The following HS6ST3 variants were observed in gnomAD, a reference collection of about 807,000 sequenced individuals.
The protein encoded by HS6ST3 is heparan-sulfate 6-O-sulfotransferase 3.
Under a neutral mutation model 36.7 loss-of-function variants are expected in HS6ST3, and 12 were observed. The ratio of observed to expected loss-of-function variants is 0.33; its 90% CI spans 0.21 to 0.53. The LOEUF (loss-of-function observed/expected upper bound fraction) is 0.53, where lower values mean the gene tolerates loss of function less well. Among genes scored for constraint, HS6ST3 ranks in the 20% least tolerant of loss-of-function variants. HS6ST3 has a pLI of 0.95. For missense variants in HS6ST3, 584 were observed against 640.9 expected (o/e 0.91, Z 0.96); for synonymous variants, 240 against 257.5 (o/e 0.93, Z 0.65).
intron 1 of HS6ST3, among the ~76,000 whole-genome samples, chr13:96,544,888 A>G (rs1434498473): frequency 6.6e-6 from 1 of 152,216 alleles, no homozygotes; most frequent in Non-Finnish European, 1.5e-5. Flanking sequence ...AATGAGCCTC[A>G]TTAAGAAATT....
At chr13:96,751,763 T>C (rs934322478) in intron 1 of HS6ST3, among the ~76,000 whole-genome samples, 2 of 151,924 alleles carry the variant, frequency 1.3e-5, no homozygotes, top group African/African-American at 4.8e-5. Context: ...TGTGTGTGTG[T>C]ATATATATGT....
chr13:96,126,615 A>G (rs577983935), intron 1 of HS6ST3, among the ~76,000 whole-genome samples: 1 of 152,130 alleles, frequency 6.6e-6, no homozygotes, highest in Non-Finnish European at 1.5e-5. Context: ...GTGTGCAGAT[A>G]AGGTTGTGCT....
chr13:96,682,107 T>C (rs952653501), intron 1 of HS6ST3, among the ~76,000 whole-genome samples: 11 of 152,086 alleles, frequency 7.2e-5, no homozygotes, highest in Non-Finnish European at 1.2e-4. Flanking sequence ...ATTCATAAAC[T>C]TACTAATTAT....
At chr13:96,367,180 A>T (rs1319243454) in intron 1 of HS6ST3, among the ~76,000 whole-genome samples, 2 of 152,230 alleles carry the variant, frequency 1.3e-5, no homozygotes, top group African/African-American at 4.8e-5. Flanking sequence ...TGCCAAATAG[A>T]TTAAAAGCCA....
chr13:96,811,656 C>A (rs879512125), intron 1 of HS6ST3, among the ~76,000 whole-genome samples: 9 of 152,036 alleles, frequency 5.9e-5, no homozygotes, highest in Middle Eastern at 3.2e-3. Flanking sequence ...AAATAGGAGA[C>A]CTCATTAAAA....
intron 1 of HS6ST3, among the ~76,000 whole-genome samples, chr13:96,390,347 C>G (rs1028114066): frequency 6.6e-6 from 1 of 152,192 alleles, no homozygotes; most frequent in Non-Finnish European, 1.5e-5. Context: ...TAATCGACAA[C>G]GTGATGGGAC....
intron 1 of HS6ST3, among the ~76,000 whole-genome samples, chr13:96,408,838 C>T (rs562432695): frequency 2.0e-4 from 30 of 151,940 alleles, no homozygotes; most frequent in Non-Finnish European, 3.5e-4. Flanking sequence ...CAGGGAGAAT[C>T]GCTTGAACCT....
intron 1 of HS6ST3, among the ~76,000 whole-genome samples, chr13:96,338,614 G>A (rs1211056258): frequency 3.9e-5 from 6 of 152,208 alleles, no homozygotes; most frequent in African/African-American, 7.2e-5. Context: ...AGAGACTCCC[G>A]GTGCCTCGAA....
chr13:96,514,455 C>T (rs1484056068), intron 1 of HS6ST3, among the ~76,000 whole-genome samples: 1 of 152,138 alleles, frequency 6.6e-6, no homozygotes, highest in African/African-American at 2.4e-5. Context: ...CATGTTAAAA[C>T]CCTAACCTCC....
At chr13:96,143,559 T>C (rs1390364373) in intron 1 of HS6ST3, among the ~76,000 whole-genome samples, 1 of 151,680 alleles carries the variant, frequency 6.6e-6, no homozygotes, top group African/African-American at 2.4e-5. Context: ...TTATTTAAAG[T>C]GAGGAGATGT....
chr13:96,671,998 C>T (rs1329396581), intron 1 of HS6ST3, among the ~76,000 whole-genome samples: 3 of 152,154 alleles, frequency 2.0e-5, no homozygotes, highest in Non-Finnish European at 4.4e-5. Context: ...TCCTGCTCCA[C>T]CAGCTCCATC....
chr13:96,158,520 G>T (rs1395834369), intron 1 of HS6ST3, among the ~76,000 whole-genome samples: 3 of 151,902 alleles, frequency 2.0e-5, no homozygotes, highest in Non-Finnish European at 4.4e-5. Context: ...GGGCATGGTG[G>T]TACATGCCTG....
At chr13:96,581,843 A>G (rs559468888) in intron 1 of HS6ST3, among the ~76,000 whole-genome samples, 1 of 152,304 alleles carries the variant, frequency 6.6e-6, no homozygotes, top group Admixed American at 6.5e-5. Context: ...CATGTTGAGG[A>G]TATAGACTTC....
At chr13:96,279,751 A>G (rs1050171745) in intron 1 of HS6ST3, among the ~76,000 whole-genome samples, 7 of 152,170 alleles carry the variant, frequency 4.6e-5, no homozygotes, top group African/African-American at 1.7e-4. Flanking sequence ...ATAAAAGAGT[A>G]GTCATTAGCA....
intron 1 of HS6ST3, among the ~76,000 whole-genome samples, chr13:96,464,594 A>T (rs2139494163): frequency 6.6e-6 from 1 of 152,350 alleles, no homozygotes; most frequent in African/African-American, 2.4e-5. Flanking sequence ...AAGTAAAAAT[A>T]GAATATATAA....
At chr13:96,516,023 T>A (rs1250483949) in intron 1 of HS6ST3, among the ~76,000 whole-genome samples, 1 of 152,078 alleles carries the variant, frequency 6.6e-6, no homozygotes, top group Non-Finnish European at 1.5e-5. Flanking sequence ...CACTCTATTG[T>A]TTGTCTAGAT....
intron 1 of HS6ST3, among the ~76,000 whole-genome samples, chr13:96,693,856 A>G (rs746789617): frequency 5.9e-5 from 9 of 152,286 alleles, no homozygotes; most frequent in Admixed American, 2.6e-4. Context: ...CTAAAGTTAC[A>G]TGGGTCCAGA....
chr13:96,685,359 C>G (rs1874746946), intron 1 of HS6ST3, among the ~76,000 whole-genome samples: 1 of 152,000 alleles, frequency 6.6e-6, no homozygotes, highest in Non-Finnish European at 1.5e-5. Flanking sequence ...GGAAGGAGTA[C>G]TAACTTTTAA....
intron 1 of HS6ST3, among the ~76,000 whole-genome samples, chr13:96,686,584 C>T (rs1394094067): frequency 2.0e-4 from 31 of 151,994 alleles, no homozygotes; most frequent in Admixed American, 2.0e-3. Flanking sequence ...ACACTGAAGG[C>T]ACAAGATAGC....
Sources: gnomAD v4.1 joint callset for allele counts (sites outside exome capture counted in the v4.1 genomes callset) on GRCh38, gnomAD v4.1.1 for gene constraint, MANE v1.5 for transcripts, NCBI Gene and HGNC (gene_info 2026-07-23, HGNC 2026-07-21) for gene names.